NLGN1: variants seen among roughly 807,000 people sequenced by gnomAD.
NLGN1 encodes the protein neuroligin-1.
A neutral mutation model predicts 65.5 loss-of-function variants in NLGN1; 12 were observed. The observed-to-expected ratio is 0.18, with a 90% CI of 0.12 to 0.30. The LOEUF (loss-of-function observed/expected upper bound fraction) is 0.30. NLGN1 is among the 10% of genes least tolerant of loss of function. The pLI is 1.00. For missense variants in NLGN1, 750 were observed against 1,007.1 expected, an observed-to-expected ratio of 0.74 and a Z score of 3.46; for synonymous variants, 350 against 359.5, an observed-to-expected ratio of 0.97 and a Z score of 0.30.
intron 3 of NLGN1, among the ~76,000 whole-genome samples, chr3:173,657,414 T>C (rs1381826576): frequency 6.6e-6 from 1 of 152,002 alleles, no homozygotes; most frequent in Non-Finnish European, 1.5e-5. Flanking sequence ...CTTGTCTTTC[T>C]GCAGTCTAGC....
downstream of NLGN1, among the ~76,000 whole-genome samples, chr3:174,289,955 G>A (rs1284517240): frequency 1.6e-4 from 17 of 105,402 alleles, no homozygotes; most frequent in South Asian, 5.2e-3. Flanking sequence ...ATATATATGT[G>A]TATATATATA....
At chr3:173,721,195 G>T (rs2150003767) in intron 3 of NLGN1, among the ~76,000 whole-genome samples, 1 of 152,320 alleles carries the variant, frequency 6.6e-6, no homozygotes, top group South Asian at 2.1e-4. Context: ...AAAGAAAAAT[G>T]ATAGCAATTT....
intron 3 of NLGN1, among the ~76,000 whole-genome samples, chr3:173,641,759 C>G (rs1191040969): frequency 6.6e-6 from 1 of 152,088 alleles, no homozygotes; most frequent in Non-Finnish European, 1.5e-5. Flanking sequence ...TGGCATTGAC[C>G]TAGATTAGAA....
Position 174,055,905 on chromosome 3 carries a change from AT to A in NLGN1, c.647-219398del, listed in dbSNP as rs933319074. Among the ~76,000 whole-genome samples, 1,026 of 145,882 alleles carry A rather than the reference AT, an allele frequency of 7.0e-3. 20 individuals are homozygous for A. Among genetic ancestry groups the A allele is most frequent in the East Asian group, 0.038 (192 of 4,996 alleles). ...GCCTATCCAATAAAAGTGGACATTGATTTTTTTTTTTTGCTACTTTTACAAG... is the reference window on the plus strand; with the variant it reads ...GCCTATCCAATAAAAGTGGACATTGATTTTTTTTTTTGCTACTTTTACAAG... On this transcript the variant is annotated intron_variant, in intron 4 of 6. Transcript: ENST00000457714.
At chr3:174,072,627 C>G (rs1207105334) in intron 4 of NLGN1, among the ~76,000 whole-genome samples, 1 of 152,078 alleles carries the variant, frequency 6.6e-6, no homozygotes, top group African/African-American at 2.4e-5. Flanking sequence ...GTCTGTAAAG[C>G]TGTCTAACTG....
intron 3 of NLGN1, among the ~76,000 whole-genome samples, chr3:173,707,317 C>T (rs958226387): frequency 6.6e-5 from 10 of 152,076 alleles, no homozygotes; most frequent in Non-Finnish European, 1.5e-4. Flanking sequence ...AGAGAATTTG[C>T]CACTTAATTT....
intron 4 of NLGN1, among the ~76,000 whole-genome samples, chr3:174,024,073 C>T (rs180677745): frequency 6.0e-5 from 9 of 149,572 alleles, no homozygotes; most frequent in Admixed American, 4.0e-4. Flanking sequence ...TGCAAGAATC[C>T]AAACAGAGTA....
chr3:174,176,959 C>A (rs1208271981), intron 4 of NLGN1, among the ~76,000 whole-genome samples: 1 of 151,984 alleles, frequency 6.6e-6, no homozygotes, highest in Non-Finnish European at 1.5e-5. Flanking sequence ...TTGTGTAGAA[C>A]ACATCAAATA....
Position 173,753,287 on chromosome 3 carries a change from C to G in NLGN1, c.494-54393C>G, listed in dbSNP as rs1312023190. ...ATATTTCACTATCTATTCTCCAACT[C>G]TACTTGGATATCCAATAGTCATCTC... On this transcript the variant is annotated intron_variant, in intron 3 of 6. Coordinates refer to ENST00000457714, the Ensembl canonical transcript of NLGN1. Among the ~76,000 whole-genome samples, 5 of 152,156 alleles carry G rather than the reference C, an allele frequency of 3.3e-5. No individual in the cohort carries two copies. The East Asian group carries it at 7.7e-4, about 23-fold the overall frequency.
At chr3:174,005,139 A>T (rs1033732224) in intron 4 of NLGN1, among the ~76,000 whole-genome samples, 2 of 152,308 alleles carry the variant, frequency 1.3e-5, no homozygotes, top group African/African-American at 4.8e-5. Flanking sequence ...TTATCCAAGG[A>T]TATAATAGTC....
In NLGN1 at chr3:173,952,705, A is replaced by C. The variant is rs187744975; in HGVS notation, c.646+144873A>C. On this transcript the variant is annotated intron_variant, in intron 4 of 6. Coordinates refer to ENST00000457714, the Ensembl canonical transcript of NLGN1. ...ATGTTTATTACATCAGGATAAACTG[A>C]AAATGTTTATTATTTTCCTTCATTT... 4.0e-3 allele frequency among the ~76,000 whole-genome samples: 602 copies of C among 152,282 alleles called. 2 individuals carry two copies. Among genetic ancestry groups the C allele is most frequent in the Admixed American group, 7.6e-3 (116 of 15,290 alleles).
Position 173,419,020 on chromosome 3 carries a change from C to CTTTTTTTTTTTTTTTTT in NLGN1, c.-389-15972_-389-15956dup, listed in dbSNP as rs59051811. On this transcript the variant is annotated intron_variant, in intron 1 of 6. Coordinates refer to ENST00000457714, the Ensembl canonical transcript of NLGN1. ...TCTGTTCTTTAGCTTTCTTCTTCTT[C>CTTTTTTTTTTTTTTTTT]TTTTTTTTTTTTTTTTTTTTTTTTT... Among the ~76,000 whole-genome samples, 2 of 12,262 alleles carry CTTTTTTTTTTTTTTTTT rather than the reference C, an allele frequency of 1.6e-4. 1 individual carries two copies. The highest frequency in any genetic ancestry group is 6.8e-4 in the African/African-American group (2 of 2,928). 8.0% of individuals were successfully genotyped at this position (12,262 alleles called of 152,430 possible).
intron 3 of NLGN1, among the ~76,000 whole-genome samples, chr3:173,728,502 G>C (rs2091193502): frequency 6.6e-6 from 1 of 151,934 alleles, no homozygotes; most frequent in Admixed American, 6.6e-5. Flanking sequence ...ATCTATAGTG[G>C]GTTGAATAGT....
intron 4 of NLGN1, among the ~76,000 whole-genome samples, chr3:174,023,987 C>T (rs920977715): frequency 1.3e-5 from 2 of 152,018 alleles, no homozygotes; most frequent in Non-Finnish European, 2.9e-5. Context: ...GGAAATAAAA[C>T]ACACTTGTAA....
chr3:173,611,262 G>A (rs891706265), intron 3 of NLGN1, among the ~76,000 whole-genome samples: 2 of 151,996 alleles, frequency 1.3e-5, no homozygotes, highest in African/African-American at 2.4e-5. Context: ...CAACAGCCTC[G>A]TGAGGTTCTC....
At chr3:173,612,981 T>C (rs1318059437) in intron 3 of NLGN1, among the ~76,000 whole-genome samples, 1 of 152,146 alleles carries the variant, frequency 6.6e-6, no homozygotes, top group East Asian at 1.9e-4. Context: ...ACAAGTCATA[T>C]TGGATTATGG....
In NLGN1 at chr3:173,753,325, C is replaced by A. The variant is rs1397495074; in HGVS notation, c.494-54355C>A. 2.0e-5 allele frequency among the ~76,000 whole-genome samples: 3 copies of A among 152,096 alleles called. No individual in the cohort carries two copies. In the South Asian group the frequency reaches 6.2e-4, roughly 32 times the overall value. On this transcript the variant is annotated intron_variant, in intron 3 of 6. Transcript: ENST00000457714. ...CAATAGTCATCTCAAACTCAACATACCCAAACTCTTCTTTCTTCTATATTT... is the reference window on the plus strand; with the variant it reads ...CAATAGTCATCTCAAACTCAACATAACCAAACTCTTCTTTCTTCTATATTT...
At chr3:173,842,981 T>G (rs1433898069) in intron 4 of NLGN1, among the ~76,000 whole-genome samples, 1 of 152,216 alleles carries the variant, frequency 6.6e-6, no homozygotes, top group African/African-American at 2.4e-5. Flanking sequence ...AACTTTTGCC[T>G]GGGCATCCAG....
intron 4 of NLGN1, among the ~76,000 whole-genome samples, chr3:174,053,132 C>A (rs1735290493): frequency 6.6e-6 from 1 of 151,838 alleles, no homozygotes; most frequent in Non-Finnish European, 1.5e-5. Flanking sequence ...GAAGAAAGTA[C>A]CCCCAAAATG....
Sources: gnomAD v4.1 joint callset for allele counts (sites outside exome capture counted in the v4.1 genomes callset) on GRCh38, gnomAD v4.1.1 for gene constraint, MANE v1.5 for transcripts, NCBI Gene and HGNC (gene_info 2026-07-23, HGNC 2026-07-21) for gene names.